The following SMCHD1 variants were observed in gnomAD, a reference collection of about 807,000 sequenced individuals.
SMCHD1 encodes the protein structural maintenance of chromosomes flexible hinge domain-containing protein 1.
Under a neutral mutation model 254.7 loss-of-function variants are expected in SMCHD1, and 78 were observed. That is an observed-to-expected ratio of 0.31 (90% CI 0.26 to 0.37). SMCHD1 has a LOEUF of 0.37. Ranked by LOEUF, SMCHD1 falls within the 10% of genes least tolerant of loss-of-function variation. The pLI is 1.00. For synonymous variants in SMCHD1, 766 were observed against 794.9 expected (o/e 0.96, Z 0.61); for missense variants, 1,840 against 2,408.1 (o/e 0.76, Z 4.94).
At position 2,717,321 on chromosome 18, in the gene SMCHD1, A is replaced by G. The variant is rs187415135; in HGVS notation, c.2261-837A>G. Among the ~76,000 whole-genome samples, 3 of 152,132 alleles carry G rather than the reference A, an allele frequency of 2.0e-5. No homozygotes were observed. In the South Asian group the frequency reaches 6.2e-4, roughly 32 times the overall value. ...CATGGGACATGCAGTGCTGTTGCCC[A>G]CTGTAGTGTTCAAAGTATCCAAAGT... is the stretch of plus-strand genomic sequence containing the variant. On this transcript the variant is annotated intron_variant, in intron 17 of 47. Transcript: ENST00000320876.
intron 45 of SMCHD1, among the ~76,000 whole-genome samples, chr18:2,792,525 G>GA (rs1568400628): frequency 2.0e-5 from 3 of 152,180 alleles, no homozygotes; most frequent in Non-Finnish European, 4.4e-5. Flanking sequence ...TCCACTGGGG[G>GA]TTTCAGACAT....
intron 12 of SMCHD1, 101 bp downstream of exon 12, chr18:2,701,019 A>G (rs1040719076): frequency 3.3e-6 from 3 of 898,596 alleles, no homozygotes; most frequent in East Asian, 2.5e-5. Context: ...TTTTGCATCA[A>G]AAGACTATGA....
chr18:2,733,891 C>T (rs1490253425), intron 25 of SMCHD1, among the ~76,000 whole-genome samples: 1 of 152,136 alleles, frequency 6.6e-6, no homozygotes, highest in African/African-American at 2.4e-5. Flanking sequence ...AGCATTCCTC[C>T]ATGTCTGGAG....
intron 45 of SMCHD1, among the ~76,000 whole-genome samples, chr18:2,788,596 C>T (rs1359652488): frequency 6.6e-6 from 1 of 151,662 alleles, no homozygotes; most frequent in Non-Finnish European, 1.5e-5. Context: ...TTTTAATATT[C>T]ATTTATTTTA....
At chr18:2,677,148 CA>C (rs377479400) in intron 5 of SMCHD1, among the ~76,000 whole-genome samples, 1 of 120,842 alleles carries the variant, frequency 8.3e-6, no homozygotes, top group Non-Finnish European at 2.0e-5. Context: ...TTATTATGAA[CA>C]TTTAAAAACA....
chr18:2,759,427 C>T (rs541772087), intron 34 of SMCHD1, among the ~76,000 whole-genome samples: 1 of 149,678 alleles, frequency 6.7e-6, no homozygotes, highest in East Asian at 2.0e-4. Flanking sequence ...GGCCTCCTTT[C>T]TATCTTATAT....
At chr18:2,788,817 C>A in intron 45 of SMCHD1, among the ~76,000 whole-genome samples, 1 of 152,056 alleles carries the variant, frequency 6.6e-6, no homozygotes, top group East Asian at 1.9e-4. Context: ...GGGCTGGTCT[C>A]GAACTCCTGC....
At chr18:2,743,498 G>A (rs374955938) in intron 28 of SMCHD1, among the ~76,000 whole-genome samples, 1 of 152,062 alleles carries the variant, frequency 6.6e-6, no homozygotes, top group Admixed American at 6.6e-5. Flanking sequence ...GTATAAAGAA[G>A]AGGGAAATTA....
At chr18:2,729,871 GTTAT>G (rs1230287967) in intron 24 of SMCHD1, among the ~76,000 whole-genome samples, 32 of 151,758 alleles carry the variant, frequency 2.1e-4, no homozygotes, top group African/African-American at 7.0e-4. Context: ...AATGCACCTG[GTTAT>G]TTATTTATTA....
chr18:2,656,752 C>G (rs1008446336), intron 1 of SMCHD1, among the ~76,000 whole-genome samples: 2 of 152,202 alleles, frequency 1.3e-5, no homozygotes, highest in African/African-American at 4.8e-5. Context: ...GCGGGGTGTC[C>G]CCGGGTTGCC....
chr18:2,696,909 T>C (rs916632800), intron 8 of SMCHD1, 123 bp from the exon 9 acceptor site: 4 of 488,422 alleles, frequency 8.2e-6, no homozygotes, highest in African/African-American at 6.1e-5. Flanking sequence ...GGAATATGTA[T>C]TTTAAAATGC....
chr18:2,709,220 A>G (rs1466391620), intron 17 of SMCHD1, among the ~76,000 whole-genome samples: 4 of 102,770 alleles, frequency 3.9e-5, no homozygotes, highest in Non-Finnish European at 7.7e-5. Flanking sequence ...GTGTGTATAT[A>G]TGTGTATATG....
At chr18:2,678,303 CT>C (rs554708832) in intron 5 of SMCHD1, among the ~76,000 whole-genome samples, 12 of 126,234 alleles carry the variant, frequency 9.5e-5, no homozygotes, top group Admixed American at 2.5e-4. Flanking sequence ...TTCTTTCTTC[CT>C]TTTTTTTTTT....
At chr18:2,670,990 G>A (rs550208387) in intron 3 of SMCHD1, among the ~76,000 whole-genome samples, 2 of 147,184 alleles carry the variant, frequency 1.4e-5, no homozygotes, top group East Asian at 2.0e-4. Flanking sequence ...AGGCTGGAGT[G>A]CAATGGCGTG....
In SMCHD1 at chr18:2,747,290, G is replaced by A. The variant is rs1368647939; in HGVS notation, c.3802-232G>A. Among the ~76,000 whole-genome samples the A allele has an allele frequency of 2.0e-5, 3 of 152,172 alleles. No individual in the cohort carries two copies. The South Asian group carries it at 6.2e-4, about 32-fold the overall frequency. ...CTAGAACCAATCTCCTGTGGATACT[G>A]AGGGAAGACTGTAATGTCAGGTGTT... On this transcript the variant is annotated intron_variant, in intron 29 of 47. Transcript: ENST00000320876.
intron 45 of SMCHD1, among the ~76,000 whole-genome samples, chr18:2,786,221 C>T (rs1439261091): frequency 1.3e-5 from 2 of 152,066 alleles, no homozygotes; most frequent in Admixed American, 1.3e-4. Flanking sequence ...AACTCCTGGC[C>T]TTAAGTGATC....
chr18:2,778,973 CAATT>C (rs1202523769), intron 44 of SMCHD1: 3 of 152,164 alleles, frequency 2.0e-5, no homozygotes, highest in African/African-American at 7.2e-5. Context: ...TGAGTTATCT[CAATT>C]GATGGTTCAC....
At position 2,655,874 on chromosome 18, in the gene SMCHD1, C is replaced by G. The variant is rs962680577; in HGVS notation, c.-202C>G. ...CCGCGGAAGTGACGTGGTGCACGGG[C>G]AGGAGCGCGTTTGAATCGGTTCCCG... On this transcript the variant is annotated 5_prime_UTR_variant, in exon 1 of 48. Coordinates refer to ENST00000320876, the MANE Select transcript of SMCHD1 (RefSeq NM_015295.3). The G allele has an allele frequency of 5.4e-6, 2 of 371,112 alleles. No homozygotes were observed. Among genetic ancestry groups the G allele is most frequent in the Non-Finnish European group, 9.5e-6 (2 of 210,054 alleles). 23.0% of individuals were successfully genotyped at this position (371,112 alleles called of 1,614,324 possible). A position where few individuals can be genotyped will look rare whatever the true frequency, so the allele number is the denominator to read the frequency against.
At position 2,748,197 on chromosome 18, in the gene SMCHD1, G is replaced by C. The variant is rs191263952; in HGVS notation, c.3927+550G>C. Among the ~76,000 whole-genome samples the C allele has an allele frequency of 2.1e-4, 32 of 151,996 alleles. No individual in the cohort carries two copies. The East Asian group carries it at 5.4e-3, about 26-fold the overall frequency. On this transcript the variant is annotated intron_variant, in intron 30 of 47. Transcript: ENST00000320876. ...ATGAACATGGTCTTGTAAAGTTTGG[G>C]AACAGTCTTGACTACCAGAAAGTTC...
Sources: allele counts gnomAD v4.1 joint callset (sites outside exome capture counted in the v4.1 genomes callset), GRCh38; gene constraint gnomAD v4.1.1; transcripts MANE v1.5; gene names NCBI Gene and HGNC (gene_info 2026-07-23, HGNC 2026-07-21).